The following TVP23A variants were observed in gnomAD, a reference collection of about 807,000 sequenced individuals.
TVP23A encodes trans-golgi network vesicle protein 23 homolog A.
A neutral mutation model predicts 31.7 loss-of-function variants in TVP23A; 21 were observed. The observed-to-expected ratio is 0.66, with a 90% CI of 0.47 to 0.95. TVP23A has a LOEUF of 0.95. Among genes scored for constraint, TVP23A ranks in the 40% least tolerant of loss-of-function variants. The pLI is 0.00. For missense variants in TVP23A, 279 were observed against 255.6 expected (o/e 1.09, Z -0.62); for synonymous variants, 104 against 96.0 (o/e 1.08, Z -0.49).
Position 10,818,393 on chromosome 16 carries a change from G to T in TVP23A, c.9+92C>A. On this transcript the variant is annotated intron_variant, in intron 1 of 7. Transcript: ENST00000299866. The surrounding 1 kb of genome is among the most constrained non-coding windows in gnomAD (Gnocchi z 4.7). ...GTGCAGCCCAGCCCCAGGCCCCGGC[G>T]CATCCCTCCTCCTCCTCCCGGCTTC... 1 of 1,530,026 alleles carries T rather than the reference G, an allele frequency of 6.5e-7. No homozygotes were observed. The highest frequency in any genetic ancestry group is 1.4e-5 in the African/African-American group (1 of 73,122). 94.8% of individuals were successfully genotyped at this position (1,530,026 alleles called of 1,614,324 possible).
At position 10,811,616 on chromosome 16, in the gene TVP23A, A is replaced by G. The variant is rs557329210; in HGVS notation, c.89+6487T>C. On this transcript the variant is annotated intron_variant, in intron 2 of 7. Transcript: ENST00000299866. ...TAAACACACACACACACACACATACACTGACACTAAAAGCAAAGGAAACAA... is the reference window on the plus strand; with the variant it reads ...TAAACACACACACACACACACATACGCTGACACTAAAAGCAAAGGAAACAA... 7.2e-5 allele frequency among the ~76,000 whole-genome samples: 11 copies of G among 152,164 alleles called. No homozygotes were observed. In the East Asian group the frequency reaches 1.2e-3, roughly 16 times the overall value.
chr16:10,806,594 C>T (rs543089495), intron 2 of TVP23A, among the ~76,000 whole-genome samples: 4 of 152,290 alleles, frequency 2.6e-5, no homozygotes, highest in Admixed American at 2.0e-4. Flanking sequence ...CTTTACCTCC[C>T]GGGTACAAGC....
Position 10,818,602 on chromosome 16 carries a change from C to A in TVP23A, c.-109G>T, listed in dbSNP as rs1272063645. 7.2e-7 allele frequency: 1 copy of A among 1,390,714 alleles called. No individual in the cohort carries two copies. Among genetic ancestry groups the A allele is most frequent in the East Asian group, 2.6e-5 (1 of 38,020 alleles). 86.1% of individuals were successfully genotyped at this position (1,390,714 alleles called of 1,614,324 possible). On this transcript the variant is annotated 5_prime_UTR_variant, in exon 1 of 8. Coordinates refer to ENST00000299866, the MANE Select transcript of TVP23A (RefSeq NM_001079512.4). The surrounding 1 kb of genome is among the most constrained non-coding windows in gnomAD (Gnocchi z 4.7). ...GCGGATGTAGGCAGCAGACGGTGGA[C>A]GCTGAGGGTCGGGGCCTGCGCCCTG...
intron 2 of TVP23A, among the ~76,000 whole-genome samples, chr16:10,795,754 T>C (rs992264107): frequency 6.6e-6 from 1 of 152,130 alleles, no homozygotes; most frequent in African/African-American, 2.4e-5. Flanking sequence ...AATGAAATGA[T>C]AGAGTCAGAA....
chr16:10,779,018 T>C lies in TVP23A; in HGVS notation c.90-3922A>G, dbSNP rs996077379. ...TGTGAGCCAAGTGTGCGCTGACCCA[T>C]GGTAAAATGTGGAAGTAAATGCATT... On this transcript the variant is annotated intron_variant, in intron 2 of 7. Transcript: ENST00000299866. This position sits in a 1 kb window ranked among gnomAD's most constrained non-coding sequence, Gnocchi z 4.9. 9.2e-5 allele frequency among the ~76,000 whole-genome samples: 14 copies of C among 152,152 alleles called. No individual in the cohort carries two copies. The highest frequency in any genetic ancestry group is 3.4e-4 in the African/African-American group (14 of 41,420).
At chr16:10,808,633 A>G (rs2034053661) in intron 2 of TVP23A, 1 of 429,852 alleles carries the variant, frequency 2.3e-6, no homozygotes, top group Non-Finnish European at 4.7e-6. Context: ...TAAAATTAGC[A>G]GGGTGTAGTA....
downstream of TVP23A, among the ~76,000 whole-genome samples, chr16:10,765,829 A>G (rs116592187): frequency 1.1e-3 from 163 of 152,364 alleles, 2 homozygotes; most frequent in African/African-American, 3.7e-3. This position sits in a 1 kb window ranked among gnomAD's most constrained non-coding sequence, Gnocchi z 4.0. Flanking sequence ...TGAGAACATT[A>G]AGTGCCTTCT....
downstream of TVP23A, among the ~76,000 whole-genome samples, chr16:10,762,987 A>G (rs1178701498): frequency 6.6e-6 from 1 of 151,964 alleles, no homozygotes; most frequent in Admixed American, 6.6e-5. Context: ...ATAGGGGTTC[A>G]GGATGAGGCC....
chr16:10,815,169 G>A (rs532178345), intron 2 of TVP23A, among the ~76,000 whole-genome samples: 28,595 of 151,950 alleles, frequency 0.19, 6,552 homozygotes, highest in African/African-American at 0.54. Context: ...AAGTAGGTAG[G>A]TAGGGAGGCT....
intron 2 of TVP23A, among the ~76,000 whole-genome samples, chr16:10,807,993 G>C (rs965181191): frequency 1.3e-5 from 2 of 152,190 alleles, no homozygotes; most frequent in Non-Finnish European, 2.9e-5. Flanking sequence ...GATTACAGGT[G>C]CATGCCACCG....
intron 4 of TVP23A, 142 bp downstream of exon 4, chr16:10,773,897 C>G: frequency 1.5e-6 from 1 of 675,924 alleles, no homozygotes; most frequent in South Asian, 1.9e-5. Flanking sequence ...TTGCCACACC[C>G]ATGTTTCACC....
chr16:10,783,055 G>A (rs993798295), intron 2 of TVP23A, among the ~76,000 whole-genome samples: 1 of 152,190 alleles, frequency 6.6e-6, no homozygotes, highest in African/African-American at 2.4e-5. Flanking sequence ...ATCCCAAGGG[G>A]TTGTGTTCTT....
At chr16:10,808,215 A>G (rs1197210253) in intron 2 of TVP23A, among the ~76,000 whole-genome samples, 1 of 152,146 alleles carries the variant, frequency 6.6e-6, no homozygotes, top group Admixed American at 6.5e-5. Context: ...TGCTATTGTT[A>G]TTTTTCATTC....
intron 2 of TVP23A, among the ~76,000 whole-genome samples, chr16:10,802,219 G>A (rs916486181): frequency 6.7e-6 from 1 of 149,998 alleles, no homozygotes; most frequent in African/African-American, 2.5e-5. Flanking sequence ...GAGTATGTCT[G>A]CATCCATGAG....
intron 2 of TVP23A, among the ~76,000 whole-genome samples, chr16:10,816,228 C>CAAAAAAAAAA (rs760801777): frequency 1.4e-3 from 106 of 73,810 alleles, no homozygotes; most frequent in Middle Eastern, 8.5e-3. Flanking sequence ...AACCCTATCT[C>CAAAAAAAAAA]AAAAAAAAAA....
At chr16:10,813,694 T>G (rs1161644729) in intron 2 of TVP23A, among the ~76,000 whole-genome samples, 4 of 152,180 alleles carry the variant, frequency 2.6e-5, no homozygotes, top group African/African-American at 9.7e-5. Flanking sequence ...GAAGCCCATC[T>G]GTAGACCTCA....
At position 10,767,615 on chromosome 16, in the gene TVP23A, G is replaced by T; in HGVS notation, c.*1487C>A. The T allele has an allele frequency of 2.3e-6, 1 of 439,150 alleles. No individual in the cohort carries two copies. The allele number at this position is 439,150 out of a possible 1,614,324, so 27.2% of individuals were successfully genotyped here. On this transcript the variant is annotated 3_prime_UTR_variant, in exon 8 of 8. Coordinates refer to ENST00000299866, the MANE Select transcript of TVP23A (RefSeq NM_001079512.4). This position sits in a 1 kb window ranked among gnomAD's most constrained non-coding sequence, Gnocchi z 4.6. ...TGCATTCTGTACTTTTTTTAACCAT[G>T]TGCATTCATGATCCTTTCACTCAAA...
At chr16:10,797,213 G>C (rs1381628938) in intron 2 of TVP23A, among the ~76,000 whole-genome samples, 1 of 151,670 alleles carries the variant, frequency 6.6e-6, no homozygotes, top group Non-Finnish European at 1.5e-5. Context: ...TGAAAGTTCA[G>C]AAAATTCTAT....
At chr16:10,797,340 C>T (rs2033445092) in intron 2 of TVP23A, among the ~76,000 whole-genome samples, 1 of 151,678 alleles carries the variant, frequency 6.6e-6, no homozygotes, top group Non-Finnish European at 1.5e-5. Context: ...CGAGACCAGC[C>T]TTACCAACAT....
Sources: allele counts gnomAD v4.1 joint callset (sites outside exome capture counted in the v4.1 genomes callset), GRCh38; gene constraint gnomAD v4.1.1; non-coding constraint Gnocchi (gnomAD v3.1); transcripts MANE v1.5; gene names NCBI Gene and HGNC (gene_info 2026-07-23, HGNC 2026-07-21).